AGR3: variants seen among roughly 807,000 people sequenced by gnomAD.
AGR3 encodes the protein anterior gradient 3, protein disulphide isomerase family member, also known as anterior gradient protein 3.
Under a neutral mutation model 24.5 loss-of-function variants are expected in AGR3, and 37 were observed. The observed-to-expected ratio is 1.51, with a 90% confidence interval of 1.16 to 1.99. AGR3 has a LOEUF of 1.99. Among genes scored for constraint, AGR3 ranks in the 30% most tolerant of loss-of-function variants. AGR3 has a pLI of 0.00. For missense variants in AGR3, 228 were observed against 191.1 expected (o/e 1.19, Z -1.14); for synonymous variants, 75 against 61.6 (o/e 1.22, Z -1.02).
chr7:16,864,806 C>T, intron 3 of AGR3: 1 of 931,518 alleles, frequency 1.1e-6, no homozygotes, highest in Non-Finnish European at 1.8e-6. Context: ...GAATGTATCA[C>T]ACCTCTTGTA....
chr7:16,869,678 T>A (rs5012362), intron 3 of AGR3, among the ~76,000 whole-genome samples: 11 of 111,448 alleles, frequency 9.9e-5, no homozygotes, highest in African/African-American at 3.6e-4. Context: ...AGTTTGTTTT[T>A]TTTTTTTTTT....
At chr7:16,872,547 C>CA (rs1263566118) in intron 3 of AGR3, among the ~76,000 whole-genome samples, 4 of 151,800 alleles carry the variant, frequency 2.6e-5, no homozygotes, top group East Asian at 1.9e-4. Context: ...TTGTTCCCTG[C>CA]AAAAAAATGT....
At chr7:16,864,512 C>A in intron 3 of AGR3, 1 of 1,269,308 alleles carries the variant, frequency 7.9e-7, no homozygotes, top group African/African-American at 1.5e-5. Context: ...TCAGTCAGGG[C>A]TTCCATTTTC....
At chr7:16,878,889 T>A (rs1283262765) in intron 1 of AGR3, among the ~76,000 whole-genome samples, 2 of 152,198 alleles carry the variant, frequency 1.3e-5, no homozygotes, top group African/African-American at 4.8e-5. Context: ...TGCTGTATAA[T>A]TAAAAAAGAG....
At chr7:16,874,724 A>T (rs1781951795) in intron 2 of AGR3, among the ~76,000 whole-genome samples, 1 of 152,152 alleles carries the variant, frequency 6.6e-6, no homozygotes, top group South Asian at 2.1e-4. Flanking sequence ...TAATTTGATA[A>T]ATATGATTCC....
intron 6 of AGR3, among the ~76,000 whole-genome samples, chr7:16,860,957 C>T (rs1485171818): frequency 6.6e-6 from 1 of 152,002 alleles, no homozygotes; most frequent in Non-Finnish European, 1.5e-5. Flanking sequence ...CTGGCTACAT[C>T]CATAAAACGT....
At position 16,880,112 on chromosome 7, in the gene AGR3, C is replaced by CCCTTCCTTCCTTCCTTCCTTCT. The variant is rs746565246; in HGVS notation, c.-27-1468_-27-1467insAGAAGGAAGGAAGGAAGGAAGG. On this transcript the variant is annotated intron_variant, in intron 1 of 7. Coordinates refer to ENST00000310398, the MANE Select transcript of AGR3 (RefSeq NM_176813.5). ...CCTTCCTTCCTTCCTTCCTTCTTTC[C>CCCTTCCTTCCTTCCTTCCTTCT]TTCCTTCCTTCCTTCCTCTTTCTCT... Among the ~76,000 whole-genome samples the CCCTTCCTTCCTTCCTTCCTTCT allele has an allele frequency of 4.5e-3, 610 of 136,648 alleles. 8 individuals carry two copies. Among genetic ancestry groups the CCCTTCCTTCCTTCCTTCCTTCT allele is most frequent in the African/African-American group, 0.017 (569 of 34,198 alleles). 89.6% of individuals were successfully genotyped at this position (136,648 alleles called of 152,430 possible). A position where few individuals can be genotyped will look rare whatever the true frequency, so the allele number is the denominator to read the frequency against.
intron 1 of AGR3, among the ~76,000 whole-genome samples, chr7:16,881,714 G>T (rs974089868): frequency 2.0e-5 from 3 of 152,246 alleles, no homozygotes; most frequent in African/African-American, 7.2e-5. Context: ...ACTTTTCAAA[G>T]AGTCGTTTTT....
At chr7:16,875,381 T>G (rs983912112) in intron 2 of AGR3, among the ~76,000 whole-genome samples, 6 of 152,154 alleles carry the variant, frequency 3.9e-5, no homozygotes, top group African/African-American at 1.4e-4. Context: ...TGTGACTAGA[T>G]TTTTTCACTC....
At chr7:16,862,140 T>TA in intron 4 of AGR3, 80 bp from the exon 5 acceptor site, 3 of 1,123,684 alleles carry the variant, frequency 2.7e-6, no homozygotes, top group Non-Finnish European at 4.0e-6. Flanking sequence ...AAAGCTAATA[T>TA]TTAGCATTTG....
chr7:16,855,121 C>T (rs1330509703), downstream of AGR3, among the ~76,000 whole-genome samples: 15 of 152,084 alleles, frequency 9.9e-5, no homozygotes, highest in Non-Finnish European at 1.9e-4. Context: ...TTTATCATTC[C>T]TTGTATTGGG....
At chr7:16,867,245 C>G (rs941669919) in intron 3 of AGR3, among the ~76,000 whole-genome samples, 10 of 152,076 alleles carry the variant, frequency 6.6e-5, no homozygotes, top group East Asian at 1.9e-4. Flanking sequence ...TCCCAGATGA[C>G]TATCAACTTC....
downstream of AGR3, among the ~76,000 whole-genome samples, chr7:16,858,072 C>T (rs1309149298): frequency 6.6e-6 from 1 of 151,594 alleles, no homozygotes; most frequent in Non-Finnish European, 1.5e-5. Context: ...ACTGAAACCT[C>T]CACCTCCCAG....
intron 1 of AGR3, among the ~76,000 whole-genome samples, chr7:16,880,647 C>A (rs576359987): frequency 4.6e-5 from 7 of 150,840 alleles, no homozygotes; most frequent in South Asian, 2.1e-4. Flanking sequence ...ACAATTATCA[C>A]GGTGCCTGAT....
chr7:16,873,442 G>A (rs1583844581), intron 3 of AGR3: 1 of 182,526 alleles, frequency 5.5e-6, no homozygotes, highest in East Asian at 1.4e-4. Flanking sequence ...AAGCTGGGGA[G>A]GGTTCAGAGC....
chr7:16,874,804 T>TA (rs746713687), intron 2 of AGR3, among the ~76,000 whole-genome samples: 8 of 152,110 alleles, frequency 5.3e-5, no homozygotes, highest in Non-Finnish European at 1.0e-4. Flanking sequence ...CATACGCCAA[T>TA]ACAACTCACC....
chr7:16,871,548 A>G (rs1215258017), intron 3 of AGR3, among the ~76,000 whole-genome samples: 2 of 152,186 alleles, frequency 1.3e-5, no homozygotes, highest in East Asian at 3.8e-4. Context: ...GCTATTTACA[A>G]TAACCACAAA....
At chr7:16,868,985 A>C (rs745865304) in intron 3 of AGR3, among the ~76,000 whole-genome samples, 7 of 152,216 alleles carry the variant, frequency 4.6e-5, no homozygotes, top group Non-Finnish European at 7.3e-5. Context: ...TGTTCTAAAA[A>C]ATAATTCCTA....
At chr7:16,862,897 A>G (rs1053106226) in intron 3 of AGR3, among the ~76,000 whole-genome samples, 1 of 152,128 alleles carries the variant, frequency 6.6e-6, no homozygotes, top group African/African-American at 2.4e-5. Flanking sequence ...TCCGTTCCCA[A>G]ATCAGGAAAG....
Sources: allele counts gnomAD v4.1 joint callset (sites outside exome capture counted in the v4.1 genomes callset), GRCh38; gene constraint gnomAD v4.1.1; transcripts MANE v1.5; gene names NCBI Gene and HGNC (gene_info 2026-07-23, HGNC 2026-07-21).